The following TMC2 variants were observed in gnomAD, a reference collection of about 807,000 sequenced individuals.
TMC2 encodes transmembrane channel like 2, also known as transmembrane channel-like protein 2.
In TMC2, 102 loss-of-function variants were observed where a neutral mutation model predicts 105.9. That is an observed-to-expected ratio of 0.96 (90% CI 0.82 to 1.14). The LOEUF is 1.14. Among genes scored for constraint, TMC2 ranks in the 50% most tolerant of loss-of-function variants. The pLI is 0.00. For synonymous variants in TMC2, 402 were observed against 422.8 expected (o/e 0.95, Z 0.60); for missense variants, 1,093 against 1,134.3 (o/e 0.96, Z 0.52).
intron 2 of TMC2, among the ~76,000 whole-genome samples, chr20:2,540,803 C>A (rs754739544): frequency 1.3e-5 from 2 of 152,122 alleles, no homozygotes; most frequent in African/African-American, 2.4e-5. Flanking sequence ...GCAGTGTCAC[C>A]CTCCCCACAT....
chr20:2,557,643 G>A (rs1473681600), intron 2 of TMC2, among the ~76,000 whole-genome samples: 1 of 152,102 alleles, frequency 6.6e-6, no homozygotes, highest in African/African-American at 2.4e-5. Flanking sequence ...CGATTCTCTT[G>A]CCTTAGCCTT....
Position 2,539,916 on chromosome 20 carries a change from A to G in TMC2, c.82+2600A>G, listed in dbSNP as rs530866571. ...GGAGTGGGCTAAGGAAACCTGCTCTATGATAAATACAGGACAGGTTCTCTT... is the reference window on the plus strand; with the variant it reads ...GGAGTGGGCTAAGGAAACCTGCTCTGTGATAAATACAGGACAGGTTCTCTT... On this transcript the variant is annotated intron_variant, in intron 2 of 19. Coordinates refer to ENST00000358864, the MANE Select transcript of TMC2 (RefSeq NM_080751.3). Among the ~76,000 whole-genome samples, 116 of 152,000 alleles carry G rather than the reference A, an allele frequency of 7.6e-4. 1 individual carries two copies. Among genetic ancestry groups the G allele is most frequent in the African/African-American group, 2.6e-3 (108 of 41,454 alleles).
At chr20:2,617,004 C>A in intron 15 of TMC2, 68 bp from the exon 16 acceptor site, 1 of 1,598,286 alleles carries the variant, frequency 6.3e-7, no homozygotes, top group Non-Finnish European at 8.5e-7. Context: ...GTCCCATTTC[C>A]TTCTATCACC....
chr20:2,577,840 A>G (rs1337809100), intron 5 of TMC2, among the ~76,000 whole-genome samples: 1 of 151,998 alleles, frequency 6.6e-6, no homozygotes, highest in East Asian at 1.9e-4. Flanking sequence ...GGCTGCAGTG[A>G]GCCATGTTTG....
chr20:2,573,484 A>G (rs2086117428), intron 5 of TMC2, among the ~76,000 whole-genome samples: 2 of 151,802 alleles, frequency 1.3e-5, no homozygotes, highest in African/African-American at 4.8e-5. Flanking sequence ...TAAGAAAGCT[A>G]CAAATTTTTG....
At position 2,580,007 on chromosome 20, in the gene TMC2, T is replaced by C; in HGVS notation, c.785T>C (p.Val262Ala). 6.2e-7 allele frequency: 1 copy of C among 1,614,076 alleles called. No homozygotes were observed. The highest frequency in any genetic ancestry group is 8.5e-7 in the Non-Finnish European group (1 of 1,179,988). Residue 262 changes from valine (V) to alanine (A), a missense_variant, in exon 7 of 20, where the codon GTT becomes GCT. Transcript: ENST00000358864. Reference protein sequence around the residue: ...YFIFLRWMYGVNLVLFGLIFG... With the variant: ...YFIFLRWMYGANLVLFGLIFG... ...ATCTTTCTCCGATGGATGTATGGAG[T>C]TAACCTTGTCCTTTTTGGCTTAATA...
intron 2 of TMC2, among the ~76,000 whole-genome samples, chr20:2,542,179 A>C (rs1399946129): frequency 6.6e-6 from 1 of 152,242 alleles, no homozygotes; most frequent in Admixed American, 6.5e-5. Flanking sequence ...ACATATGTAC[A>C]AATGAGAGTT....
chr20:2,605,307 A>G lies in TMC2; in HGVS notation c.1413+3006A>G, dbSNP rs577401777. Reference sequence around the variant, plus strand: ...GAAAAACATATAGGCTGCCACAACAAAGTACCACAGACTGAGTAGCTTAAA... The same window carrying G: ...GAAAAACATATAGGCTGCCACAACAGAGTACCACAGACTGAGTAGCTTAAA... On this transcript the variant is annotated intron_variant, in intron 11 of 19. Transcript: ENST00000358864. Among the ~76,000 whole-genome samples the G allele has an allele frequency of 3.3e-5, 5 of 152,286 alleles. No individual in the cohort carries two copies. The East Asian group carries it at 7.7e-4, about 24-fold the overall frequency.
At chr20:2,637,655 G>A in intron 19 of TMC2, 64 bp downstream of exon 19, 4 of 1,103,776 alleles carry the variant, frequency 3.6e-6, no homozygotes, top group Non-Finnish European at 5.5e-6. Flanking sequence ...AAGAGCCTAT[G>A]AAACAGCGTG....
chr20:2,638,228 C>T (rs111536012), intron 19 of TMC2, among the ~76,000 whole-genome samples: 6 of 152,038 alleles, frequency 3.9e-5, no homozygotes, highest in African/African-American at 1.4e-4. Flanking sequence ...GTAGTCCCAG[C>T]TGCTTGGGAG....
chr20:2,602,784 C>G (rs2040767758), intron 11 of TMC2, among the ~76,000 whole-genome samples: 1 of 152,252 alleles, frequency 6.6e-6, no homozygotes, highest in Admixed American at 6.5e-5. Context: ...TGTGATAACA[C>G]AGAATCCATA....
At chr20:2,562,909 G>A (rs897626293) in intron 4 of TMC2, among the ~76,000 whole-genome samples, 3 of 151,774 alleles carry the variant, frequency 2.0e-5, no homozygotes, top group African/African-American at 7.3e-5. Flanking sequence ...TCATGCCACT[G>A]AACTCCAGCC....
At chr20:2,629,345 G>T (rs1344561705) in intron 17 of TMC2, among the ~76,000 whole-genome samples, 2 of 151,970 alleles carry the variant, frequency 1.3e-5, no homozygotes, top group African/African-American at 4.8e-5. Flanking sequence ...GCATTTACAG[G>T]GTGGGGAGTG....
chr20:2,613,438 C>T (rs764807550), intron 14 of TMC2, 116 bp downstream of exon 14: 1 of 1,461,622 alleles, frequency 6.8e-7, no homozygotes, highest in Non-Finnish European at 9.5e-7. Flanking sequence ...ATGACGGTCT[C>T]TGCTCTGTAG....
chr20:2,581,198 C>T (rs1357829946), intron 7 of TMC2, among the ~76,000 whole-genome samples: 2 of 152,198 alleles, frequency 1.3e-5, no homozygotes, highest in African/African-American at 4.8e-5. Context: ...AAACCTTTCA[C>T]ATAATGTGAA....
intron 11 of TMC2, among the ~76,000 whole-genome samples, chr20:2,609,371 A>G (rs888629430): frequency 1.3e-5 from 2 of 152,194 alleles, no homozygotes; most frequent in African/African-American, 2.4e-5. Flanking sequence ...TGAGGAATAG[A>G]GTAAGAAAGG....
chr20:2,544,964 G>C (rs1271304632), intron 2 of TMC2, among the ~76,000 whole-genome samples: 1 of 151,618 alleles, frequency 6.6e-6, no homozygotes, highest in Non-Finnish European at 1.5e-5. Context: ...AAGAGGCAGA[G>C]GCAGGAGGAT....
chr20:2,556,167 CA>C (rs2085983939), intron 2 of TMC2, among the ~76,000 whole-genome samples: 1 of 152,308 alleles, frequency 6.6e-6, no homozygotes, highest in East Asian at 1.9e-4. Flanking sequence ...CGTCTCACTG[CA>C]ACCTCCACCT....
chr20:2,628,525 G>A lies in TMC2; in HGVS notation c.2306+4129G>A, dbSNP rs143422723. Reference sequence around the variant, plus strand: ...CCCATAATCCCCACATTTCAAGGGCGGGGCCAAGTGGAGGTAATTGGTTCA... The same window carrying A: ...CCCATAATCCCCACATTTCAAGGGCAGGGCCAAGTGGAGGTAATTGGTTCA... On this transcript the variant is annotated intron_variant, in intron 17 of 19. Coordinates refer to ENST00000358864, the MANE Select transcript of TMC2 (RefSeq NM_080751.3). Among the ~76,000 whole-genome samples, 1,004 of 152,184 alleles carry A rather than the reference G, an allele frequency of 6.6e-3. 11 individuals are homozygous for A. The highest frequency in any genetic ancestry group is 0.022 in the African/African-American group (899 of 41,498).
Sources: allele counts gnomAD v4.1 joint callset (sites outside exome capture counted in the v4.1 genomes callset), GRCh38; gene constraint gnomAD v4.1.1; transcripts MANE v1.5; gene names NCBI Gene and HGNC (gene_info 2026-07-23, HGNC 2026-07-21).